Variants in RNF150 observed in about 807,000 individuals in gnomAD.
RNF150 encodes the protein ring finger protein 150.
Under a neutral mutation model 39.3 loss-of-function variants are expected in RNF150, and 24 were observed. That is an observed-to-expected ratio of 0.61 (90% CI 0.44 to 0.86). The LOEUF is 0.86. Ranked by LOEUF, RNF150 falls within the 40% of genes least tolerant of loss-of-function variation. The pLI is 0.00. For missense variants in RNF150, 502 were observed against 587.8 expected (o/e 0.85, Z 1.51); for synonymous variants, 255 against 227.3 (o/e 1.12, Z -1.10).
intron 6 of RNF150, among the ~76,000 whole-genome samples, chr4:140,910,326 C>G (rs1221862524): frequency 1.3e-5 from 2 of 152,212 alleles, no homozygotes; most frequent in African/African-American, 4.8e-5. Flanking sequence ...TCCACTCACT[C>G]TTTTAACCTT....
At chr4:141,160,253 C>G (rs182416739) in intron 1 of RNF150, among the ~76,000 whole-genome samples, 2 of 152,274 alleles carry the variant, frequency 1.3e-5, no homozygotes, top group East Asian at 3.9e-4. Flanking sequence ...CACAGATTAT[C>G]TGGCTAAGGC....
intron 1 of RNF150, among the ~76,000 whole-genome samples, chr4:141,020,487 G>A (rs1040885546): frequency 2.6e-5 from 4 of 152,064 alleles, no homozygotes; most frequent in African/African-American, 9.7e-5. Context: ...TCTGTCCAGG[G>A]AATTCTTTGA....
intron 1 of RNF150, among the ~76,000 whole-genome samples, chr4:141,023,478 T>A (rs1333267690): frequency 6.6e-6 from 1 of 151,996 alleles, no homozygotes; most frequent in Admixed American, 6.6e-5. Context: ...GGTCTTGAAC[T>A]CCTGACTTCA....
chr4:141,202,684 T>C (rs1728309261), intron 1 of RNF150, among the ~76,000 whole-genome samples: 1 of 152,064 alleles, frequency 6.6e-6, no homozygotes, highest in Non-Finnish European at 1.5e-5. Context: ...GAATTATTCT[T>C]ATTAATTTAT....
intron 1 of RNF150, among the ~76,000 whole-genome samples, chr4:141,194,683 A>T (rs1728169144): frequency 6.6e-6 from 1 of 152,152 alleles, no homozygotes; most frequent in South Asian, 2.1e-4. Flanking sequence ...TCATATATAG[A>T]AGGTACTCAA....
intron 1 of RNF150, among the ~76,000 whole-genome samples, chr4:141,115,655 T>C (rs1009599616): frequency 1.3e-5 from 2 of 152,300 alleles, no homozygotes; most frequent in African/African-American, 4.8e-5. Context: ...AAATTTCATA[T>C]GGAACCAAAA....
At chr4:141,002,881 T>C (rs1734718230) in intron 1 of RNF150, among the ~76,000 whole-genome samples, 1 of 152,186 alleles carries the variant, frequency 6.6e-6, no homozygotes, top group Non-Finnish European at 1.5e-5. Context: ...CTGTGACTTT[T>C]AAGCTTTTCA....
chr4:141,019,373 T>A (rs973680929), intron 1 of RNF150, among the ~76,000 whole-genome samples: 1 of 152,060 alleles, frequency 6.6e-6, no homozygotes, highest in Admixed American at 6.6e-5. Flanking sequence ...TTTTTCCAGG[T>A]ATGAAAAAAT....
intron 1 of RNF150, among the ~76,000 whole-genome samples, chr4:141,161,812 A>G (rs1054765188): frequency 1.3e-5 from 2 of 152,200 alleles, no homozygotes; most frequent in African/African-American, 4.8e-5. Context: ...GGCAGCTTCC[A>G]TGTGGTGTTA....
intron 4 of RNF150, among the ~76,000 whole-genome samples, chr4:140,935,893 T>C (rs2111346053): frequency 6.6e-6 from 1 of 152,332 alleles, no homozygotes; most frequent in Middle Eastern, 3.4e-3. Context: ...CAGATGAAGA[T>C]ATACACCATC....
intron 1 of RNF150, among the ~76,000 whole-genome samples, chr4:141,118,451 G>T (rs143718534): frequency 2.0e-5 from 3 of 152,106 alleles, no homozygotes; most frequent in African/African-American, 7.2e-5. Flanking sequence ...TGCTATTAAC[G>T]GAAGGGTAGT....
intron 1 of RNF150, among the ~76,000 whole-genome samples, chr4:140,986,862 C>A (rs931201277): frequency 6.6e-5 from 10 of 151,916 alleles, no homozygotes; most frequent in African/African-American, 2.2e-4. Context: ...TGATTACATA[C>A]CTAGAAAACC....
At chr4:141,174,581 G>C (rs1727778163) in intron 1 of RNF150, among the ~76,000 whole-genome samples, 1 of 152,288 alleles carries the variant, frequency 6.6e-6, no homozygotes, top group Admixed American at 6.5e-5. Context: ...GAAGAGCAAA[G>C]GATCAGATAT....
chr4:141,124,197 C>T (rs1250234815), intron 1 of RNF150, among the ~76,000 whole-genome samples: 1 of 152,228 alleles, frequency 6.6e-6, no homozygotes, highest in Non-Finnish European at 1.5e-5. Flanking sequence ...CAAACCTATA[C>T]TGTTGTCAGT....
At chr4:141,146,618 G>A (rs1363118130) in intron 1 of RNF150, among the ~76,000 whole-genome samples, 1 of 152,034 alleles carries the variant, frequency 6.6e-6, no homozygotes, top group African/African-American at 2.4e-5. Flanking sequence ...TAATTGAAGA[G>A]TTTAAAAAAA....
chr4:141,097,379 A>G (rs1341791332), intron 1 of RNF150, among the ~76,000 whole-genome samples: 2 of 152,212 alleles, frequency 1.3e-5, no homozygotes, highest in South Asian at 2.1e-4. Context: ...TTTTCTTCAT[A>G]CATATAGTTG....
At chr4:140,961,570 G>A (rs1417830053) in intron 2 of RNF150, among the ~76,000 whole-genome samples, 1 of 152,126 alleles carries the variant, frequency 6.6e-6, no homozygotes, top group Non-Finnish European at 1.5e-5. Context: ...TTATAGCTAT[G>A]ACCTGTACAG....
chr4:140,919,706 C>A (rs1578965574), intron 5 of RNF150, among the ~76,000 whole-genome samples: 1 of 151,456 alleles, frequency 6.6e-6, no homozygotes, highest in African/African-American at 2.4e-5. Flanking sequence ...CATATGGAAC[C>A]AAAAAAGAGC....
chr4:141,129,371 A>T (rs894909295), intron 1 of RNF150, among the ~76,000 whole-genome samples: 8 of 152,258 alleles, frequency 5.3e-5, no homozygotes, highest in Admixed American at 5.2e-4. Flanking sequence ...AGAAGTCCAC[A>T]TATTATATGA....
Sources: allele counts gnomAD v4.1 joint callset (sites outside exome capture counted in the v4.1 genomes callset), GRCh38; gene constraint gnomAD v4.1.1; transcripts MANE v1.5; gene names NCBI Gene and HGNC (gene_info 2026-07-23, HGNC 2026-07-21).